The following RETREG1 variants were observed in gnomAD, a reference collection of about 807,000 sequenced individuals.
The protein encoded by RETREG1 is reticulophagy regulator 1.
In RETREG1, 44 loss-of-function variants were observed where a neutral mutation model predicts 54.8. That is an observed-to-expected ratio of 0.80 (90% CI 0.63 to 1.03). The LOEUF (loss-of-function observed/expected upper bound fraction) is 1.03. RETREG1 is among the 50% of genes least tolerant of loss of function. RETREG1 has a pLI of 0.00. For missense variants in RETREG1, 554 were observed against 605.1 expected, an observed-to-expected ratio of 0.92 and a Z score of 0.89; for synonymous variants, 217 against 238.5, an observed-to-expected ratio of 0.91 and a Z score of 0.83.
chr5:16,598,716 C>T (rs568148161), intron 1 of RETREG1, among the ~76,000 whole-genome samples: 2 of 152,312 alleles, frequency 1.3e-5, no homozygotes, highest in African/African-American at 4.8e-5. Flanking sequence ...ACACTAAGAA[C>T]CACCTTTAAC....
intron 4 of RETREG1, 68 bp from the exon 5 acceptor site, chr5:16,481,161 A>G: frequency 8.9e-7 from 1 of 1,124,404 alleles, no homozygotes; most frequent in Non-Finnish European, 1.3e-6. Context: ...CACAGGATAC[A>G]CACACAATTG....
intron 3 of RETREG1, among the ~76,000 whole-genome samples, chr5:16,538,122 A>G (rs564666504): frequency 5.9e-5 from 9 of 152,314 alleles, no homozygotes; most frequent in African/African-American, 2.2e-4. Context: ...TGCAGCCCTC[A>G]GTCTTGGAAG....
chr5:16,602,279 C>A (rs533171013), intron 1 of RETREG1, among the ~76,000 whole-genome samples: 1 of 152,034 alleles, frequency 6.6e-6, no homozygotes, highest in Non-Finnish European at 1.5e-5. Context: ...TTGTCCTGAC[C>A]CCCTGTTTTA....
At chr5:16,519,528 C>T (rs1200082277) in intron 3 of RETREG1, among the ~76,000 whole-genome samples, 2 of 152,182 alleles carry the variant, frequency 1.3e-5, no homozygotes, top group Admixed American at 1.3e-4. Context: ...CAGACTTAAC[C>T]CAGTTACCCT....
At chr5:16,591,009 A>G (rs1309177280) in intron 1 of RETREG1, among the ~76,000 whole-genome samples, 1 of 152,148 alleles carries the variant, frequency 6.6e-6, no homozygotes, top group African/African-American at 2.4e-5. Flanking sequence ...TTTCTATTAC[A>G]CCTCAGTCCA....
Position 16,474,761 on chromosome 5 carries a change from T to C in RETREG1, c.1474A>G (p.Asn492Asp), listed in dbSNP as rs375232152. 3.1e-6 allele frequency: 5 copies of C among 1,613,400 alleles called. No individual in the cohort carries two copies. Among genetic ancestry groups the C allele is most frequent in the African/African-American group, 1.3e-5 (1 of 74,940 alleles). ...QNKKSSGFLSNLLGGH is the reference protein window; with the variant it reads ...QNKKSSGFLSDLLGGH ...CTAGATTAATGGCCTCCCAGCAGAT[T>C]TGAAAGGAAACCTGAAGACTTCTTA... is the stretch of plus-strand genomic sequence containing the variant. The change falls in exon 9 of 9, where the codon AAT (asparagine) becomes GAT (aspartate). Residue 492 changes from asparagine to aspartate, a missense_variant. Coordinates refer to ENST00000306320, the MANE Select transcript of RETREG1 (RefSeq NM_001034850.3).
rs1192151133 is a variant in RETREG1, at chr5:16,588,069, A to C, written c.321-15967T>G. ...CTCCCAGTCTGAGGCCAGAGCGATC[A>C]CTTCCAGAGCTGGGACTGAGGCTTT... On this transcript the variant is annotated intron_variant, in intron 1 of 8. Coordinates refer to ENST00000306320, the MANE Select transcript of RETREG1 (RefSeq NM_001034850.3). 2.6e-5 allele frequency among the ~76,000 whole-genome samples: 4 copies of C among 152,208 alleles called. No individual in the cohort carries two copies. In the East Asian group the frequency reaches 7.7e-4, roughly 29 times the overall value.
intron 3 of RETREG1, among the ~76,000 whole-genome samples, chr5:16,558,456 A>C (rs928936203): frequency 6.6e-6 from 1 of 152,362 alleles, no homozygotes; most frequent in Non-Finnish European, 1.5e-5. Flanking sequence ...GCCCAGTCTC[A>C]GATAATCTGT....
intron 3 of RETREG1, among the ~76,000 whole-genome samples, chr5:16,541,739 G>GGAAGGAAGGAAGGAA (rs1741252409): frequency 2.0e-5 from 2 of 102,188 alleles, no homozygotes; most frequent in African/African-American, 7.1e-5. Flanking sequence ...GAGGGAGGGA[G>GGAAGGAAGGAAGGAA]GGAAGGAAGG....
At chr5:16,591,867 A>G (rs1020725968) in intron 1 of RETREG1, among the ~76,000 whole-genome samples, 1 of 152,152 alleles carries the variant, frequency 6.6e-6, no homozygotes, top group Non-Finnish European at 1.5e-5. Flanking sequence ...AATAGATAAT[A>G]AGGGAAGGTG....
In RETREG1 at chr5:16,556,013, A is replaced by G. The variant is rs1271500202; in HGVS notation, c.458+9750T>C. On this transcript the variant is annotated intron_variant, in intron 3 of 8. Transcript: ENST00000306320. ...ACTTCACGCATTTCAAATCCATAAT[A>G]ACTCAGGATCTGCTAACTAATCAAA... Among the ~76,000 whole-genome samples the G allele has an allele frequency of 2.0e-5, 3 of 152,288 alleles. No individual in the cohort carries two copies. In the East Asian group the frequency reaches 5.8e-4, roughly 29 times the overall value.
chr5:16,504,229 C>T (rs1254284507), intron 3 of RETREG1, among the ~76,000 whole-genome samples: 4 of 152,200 alleles, frequency 2.6e-5, no homozygotes, highest in African/African-American at 4.8e-5. Context: ...GCAAAGGACA[C>T]AGTCTCATTT....
chr5:16,508,322 T>A (rs925416167), intron 3 of RETREG1, among the ~76,000 whole-genome samples: 4 of 152,228 alleles, frequency 2.6e-5, no homozygotes, highest in East Asian at 1.9e-4. Context: ...AACACTTTTT[T>A]AAAAAATTTC....
chr5:16,494,330 G>A (rs1739365166), intron 3 of RETREG1, among the ~76,000 whole-genome samples: 1 of 152,162 alleles, frequency 6.6e-6, no homozygotes, highest in Non-Finnish European at 1.5e-5. Context: ...AAAAAAAATG[G>A]TAGAAAGTTA....
intron 1 of RETREG1, among the ~76,000 whole-genome samples, chr5:16,578,132 G>A (rs1742385746): frequency 6.6e-6 from 1 of 152,150 alleles, no homozygotes; most frequent in South Asian, 2.1e-4. Context: ...TCGCCTCTCA[G>A]GTCTTTGGCA....
chr5:16,508,938 C>T (rs1299990707), intron 3 of RETREG1: 21 of 1,178,464 alleles, frequency 1.8e-5, no homozygotes, highest in Admixed American at 4.0e-5. Flanking sequence ...CCAGCTGCCC[C>T]GCATTCTCTC....
chr5:16,604,325 C>T (rs1230529685), intron 1 of RETREG1, among the ~76,000 whole-genome samples: 1 of 152,176 alleles, frequency 6.6e-6, no homozygotes, highest in African/African-American at 2.4e-5. Flanking sequence ...AATATCCCCT[C>T]TGCCAAATGG....
At chr5:16,610,139 G>A (rs1256068273) in intron 1 of RETREG1, among the ~76,000 whole-genome samples, 1 of 152,124 alleles carries the variant, frequency 6.6e-6, no homozygotes. Context: ...GCAGAGAAGG[G>A]GTGCTTGACA....
intron 3 of RETREG1, among the ~76,000 whole-genome samples, chr5:16,486,905 G>T (rs1739041926): frequency 6.6e-6 from 1 of 152,126 alleles, no homozygotes; most frequent in Non-Finnish European, 1.5e-5. Flanking sequence ...TAACACAGGT[G>T]TCATCTGCAC....
Sources: allele counts gnomAD v4.1 joint callset (sites outside exome capture counted in the v4.1 genomes callset), GRCh38; gene constraint gnomAD v4.1.1; transcripts MANE v1.5; gene names NCBI Gene and HGNC (gene_info 2026-07-23, HGNC 2026-07-21).